Variants in ZNF461 observed in about 807,000 individuals in gnomAD.
ZNF461 encodes zinc finger protein 461, also known as gonadotropin-inducible ovarian transcription factor-1.
Under a neutral mutation model 18.3 loss-of-function variants are expected in ZNF461, and 16 were observed. The ratio of observed to expected loss-of-function variants is 0.88; its 90% CI spans 0.59 to 1.33. The LOEUF is 1.33. Among genes scored for constraint, ZNF461 ranks in the 40% most tolerant of loss-of-function variants. The probability of loss-of-function intolerance (pLI) is 0.00; values close to 1 mark genes in which losing one functional copy is unlikely to be tolerated. For missense variants in ZNF461, 595 were observed against 669.9 expected (o/e 0.89, Z 1.23); for synonymous variants, 179 against 216.9 (o/e 0.83, Z 1.54).
At chr19:36,650,924 A>C (rs1170866344) in intron 4 of ZNF461, among the ~76,000 whole-genome samples, 1 of 150,490 alleles carries the variant, frequency 6.6e-6, no homozygotes, top group African/African-American at 2.4e-5. Context: ...CTTATAATAT[A>C]AAGTATCTAC....
chr19:36,647,627 A>C (rs748930332), intron 4 of ZNF461, among the ~76,000 whole-genome samples: 11 of 152,202 alleles, frequency 7.2e-5, no homozygotes, highest in Non-Finnish European at 1.5e-4. Context: ...ATATACCTAG[A>C]AGTAGAATTG....
Position 36,650,020 on chromosome 19 carries a change from C to T in ZNF461, c.233-6158G>A, listed in dbSNP as rs565566225. Among the ~76,000 whole-genome samples, 13 of 152,068 alleles carry T rather than the reference C, an allele frequency of 8.5e-5. No homozygotes were observed. The South Asian group carries it at 2.7e-3, about 32-fold the overall frequency. ...TGAAACCCCGTCCCTACTAAAAATA[C>T]AAAAATTAGCCAGGCATGGTGGTGG... is the stretch of plus-strand genomic sequence containing the variant. On this transcript the variant is annotated intron_variant, in intron 4 of 5. Coordinates refer to ENST00000588268, the MANE Select transcript of ZNF461 (RefSeq NM_153257.5).
chr19:36,657,964 A>G (rs943829042), intron 3 of ZNF461: 1 of 225,764 alleles, frequency 4.4e-6, no homozygotes, highest in African/African-American at 2.3e-5. Flanking sequence ...CTAGTACACT[A>G]GCAGATTTAG....
intron 5 of ZNF461, among the ~76,000 whole-genome samples, chr19:36,640,307 A>G (rs1282625474): frequency 1.3e-5 from 2 of 152,212 alleles, no homozygotes; most frequent in Non-Finnish European, 2.9e-5. Context: ...TTCAGGAAAC[A>G]TTCTAAATCA....
In ZNF461 at chr19:36,637,414, A is replaced by T. The variant is rs1369218542; in HGVS notation, c.*1239T>A. The T allele has an allele frequency of 2.0e-5, 3 of 151,830 alleles. No homozygotes were observed. Among genetic ancestry groups the T allele is most frequent in the African/African-American group, 4.8e-5 (2 of 41,312 alleles). The allele number at this position is 151,830 out of a possible 1,614,324, so 9.4% of individuals were successfully genotyped here. ...ACGGGGTTTCACCATGTTAGCCAGG[A>T]TGGTCTCGATCTCCTGACCTCGTGA... On this transcript the variant is annotated 3_prime_UTR_variant, in exon 6 of 6. Coordinates refer to ENST00000588268, the MANE Select transcript of ZNF461 (RefSeq NM_153257.5).
Position 36,639,035 on chromosome 19 carries a change from C to G in ZNF461, c.1310G>C (p.Gly437Ala). The change falls in exon 6 of 6, where the codon GGT (glycine) becomes GCT (alanine). Residue 437 changes from glycine (G) to alanine (A), a missense_variant. Physicochemically the swap from Gly to Ala is moderately conservative, Grantham distance 60 (BLOSUM62 0). Coordinates refer to ENST00000588268, the MANE Select transcript of ZNF461 (RefSeq NM_153257.5). The stretch of plus-strand genomic sequence containing the variant: ...TTCCTTACACTCATAGGGTTTCTCA[C>G]CAGTATGAATCCTCTGATGTAGGGT... ...QLTLHQRIHTGEKPYECKECG... is the reference protein window; with the variant it reads ...QLTLHQRIHTAEKPYECKECG... 6.2e-7 allele frequency: 1 copy of G among 1,614,052 alleles called. No individual in the cohort carries two copies. Among genetic ancestry groups the G allele is most frequent in the South Asian group, 1.1e-5 (1 of 91,072 alleles).
intron 2 of ZNF461, among the ~76,000 whole-genome samples, chr19:36,660,627 A>G (rs1424141730): frequency 2.6e-5 from 4 of 152,080 alleles, no homozygotes; most frequent in Admixed American, 6.6e-5. Context: ...TGCTGAAAAC[A>G]AAACATCTTC....
At chr19:36,662,260 TA>T (rs2037831221) in intron 2 of ZNF461, among the ~76,000 whole-genome samples, 1 of 152,012 alleles carries the variant, frequency 6.6e-6, no homozygotes, top group Admixed American at 6.6e-5. Flanking sequence ...CTTTTTAATT[TA>T]ATTTAATTTT....
At position 36,643,866 on chromosome 19, in the gene ZNF461, C is replaced by T; in HGVS notation, c.233-4G>A. ...AATCCCCAAGTTTTCCATGTACCTA[C>T]ATGGAAACAAAAGAATAAATACTTC... On this transcript the variant is annotated splice_region_variant and splice_polypyrimidine_tract_variant and intron_variant, in intron 4 of 5. Coordinates refer to ENST00000588268, the MANE Select transcript of ZNF461 (RefSeq NM_153257.5). The T allele has an allele frequency of 6.6e-7, 1 of 1,508,190 alleles. No individual in the cohort carries two copies. Among genetic ancestry groups the T allele is most frequent in the Non-Finnish European group, 8.9e-7 (1 of 1,118,282 alleles). 93.4% of individuals were successfully genotyped at this position (1,508,190 alleles called of 1,614,324 possible).
intron 4 of ZNF461, among the ~76,000 whole-genome samples, chr19:36,654,415 A>G (rs1294741643): frequency 1.3e-5 from 2 of 152,142 alleles, no homozygotes; most frequent in Admixed American, 1.3e-4. Flanking sequence ...TACCCAGACT[A>G]GAGTGCAATG....
At chr19:36,656,405 C>T in intron 4 of ZNF461, 43 bp downstream of exon 4, 1 of 1,511,392 alleles carries the variant, frequency 6.6e-7, no homozygotes, top group Non-Finnish European at 9.2e-7. Flanking sequence ...TTCTGACCAG[C>T]TGGCCTGCTC....
At chr19:36,663,354 G>A (rs143134794) in intron 2 of ZNF461, among the ~76,000 whole-genome samples, 97 of 152,024 alleles carry the variant, frequency 6.4e-4, no homozygotes, top group African/African-American at 2.3e-3. Flanking sequence ...ATAGTTGTTC[G>A]CCCATCCTTT....
intron 4 of ZNF461, among the ~76,000 whole-genome samples, chr19:36,650,312 C>A (rs143051017): frequency 6.6e-6 from 1 of 152,248 alleles, no homozygotes; most frequent in East Asian, 1.9e-4. Context: ...ACACCACATA[C>A]AACTTCATAC....
chr19:36,662,010 C>T (rs1242193107), intron 2 of ZNF461, among the ~76,000 whole-genome samples: 1 of 151,934 alleles, frequency 6.6e-6, no homozygotes, highest in Non-Finnish European at 1.5e-5. Context: ...GTTGGGATTA[C>T]AAGCATGTGC....
At chr19:36,644,579 GT>G (rs199702922) in intron 4 of ZNF461, among the ~76,000 whole-genome samples, 2,289 of 148,514 alleles carry the variant, frequency 0.015, 41 homozygotes, top group East Asian at 0.069. Flanking sequence ...AGTTTTTTGT[GT>G]TTTTTTTTGT....
intron 5 of ZNF461, among the ~76,000 whole-genome samples, chr19:36,642,682 CTTT>C (rs577387236): frequency 9.9e-5 from 9 of 90,772 alleles, no homozygotes; most frequent in East Asian, 3.1e-4. Context: ...AGTTAGACTT[CTTT>C]TTTTTTTTTT....
chr19:36,656,839 G>A (rs1192064889), intron 3 of ZNF461, among the ~76,000 whole-genome samples: 1 of 148,032 alleles, frequency 6.8e-6, no homozygotes, highest in Non-Finnish European at 1.5e-5. Context: ...TTTTTTTTGA[G>A]ATGGAGTTTT....
intron 1 of ZNF461, among the ~76,000 whole-genome samples, chr19:36,665,498 CA>C (rs1308218654): frequency 8.1e-4 from 123 of 152,246 alleles, no homozygotes; most frequent in Middle Eastern, 3.4e-3. Flanking sequence ...ATCACGAGGT[CA>C]GGGGCTCAAG....
In ZNF461 at chr19:36,638,370, T is replaced by TTATTTCACTGTTTCAGTGAAA. The variant is rs985833397; in HGVS notation, c.*262_*282dup. The TTATTTCACTGTTTCAGTGAAA allele has an allele frequency of 6.7e-5, 17 of 255,034 alleles. No individual in the cohort carries two copies. The highest frequency in any genetic ancestry group is 2.0e-4 in the African/African-American group (9 of 44,458). The allele number at this position is 255,034 out of a possible 1,614,324, so 15.8% of individuals were successfully genotyped here. A position where few individuals can be genotyped will look rare whatever the true frequency, so the allele number is the denominator to read the frequency against. On this transcript the variant is annotated 3_prime_UTR_variant, in exon 6 of 6. Coordinates refer to ENST00000588268, the MANE Select transcript of ZNF461 (RefSeq NM_153257.5). ...GGGAAGGGAGGAAATTGTTTTCATT[T>TTATTTCACTGTTTCAGTGAAA]TATTTCACTGTTTCAGTGAAATATT...
Sources: gnomAD v4.1 joint callset for allele counts (sites outside exome capture counted in the v4.1 genomes callset) on GRCh38, gnomAD v4.1.1 for gene constraint, MANE v1.5 for transcripts, NCBI Gene and HGNC (gene_info 2026-07-23, HGNC 2026-07-21) for gene names.